Variants in DRICH1 observed in about 807,000 individuals in gnomAD.
DRICH1 encodes aspartate rich 1, also known as aspartate-rich protein 1.
DRICH1 carries 38 observed loss-of-function variants against 39.5 expected under a neutral mutation model. That is an observed-to-expected ratio of 0.96 (90% CI 0.74 to 1.26). The LOEUF (loss-of-function observed/expected upper bound fraction) is 1.26, where lower values mean the gene tolerates loss of function less well. Ranked by LOEUF, DRICH1 falls within the 50% of genes most tolerant of loss-of-function variation. The pLI, the probability that DRICH1 is intolerant of heterozygous loss-of-function variation, is 0.00. For synonymous variants in DRICH1, 84 were observed against 99.5 expected, an observed-to-expected ratio of 0.84 and a Z score of 0.93; for missense variants, 279 against 270.4, an observed-to-expected ratio of 1.03 and a Z score of -0.22.
chr22:23,621,131 A>C (rs1207859864), intron 4 of DRICH1, among the ~76,000 whole-genome samples: 4 of 152,118 alleles, frequency 2.6e-5, no homozygotes, highest in Non-Finnish European at 5.9e-5. Context: ...ATCTGCCTTG[A>C]ACTGGTTTAG....
intron 1 of DRICH1, among the ~76,000 whole-genome samples, chr22:23,628,809 GC>G (rs1030069631): frequency 6.6e-6 from 1 of 152,026 alleles, no homozygotes; most frequent in Non-Finnish European, 1.5e-5. Context: ...TTCCTGCTCT[GC>G]CCCCCCACCA....
chr22:23,601,960 G>A, the DRICH1 span, among the ~76,000 whole-genome samples: 1 of 151,080 alleles, frequency 6.6e-6, no homozygotes, highest in Non-Finnish European at 1.5e-5. Flanking sequence ...CCAGCACTGT[G>A]GGAGGCTGAG....
intron 11 of DRICH1, among the ~76,000 whole-genome samples, chr22:23,610,062 A>G (rs1331872594): frequency 6.6e-6 from 1 of 151,972 alleles, no homozygotes; most frequent in African/African-American, 2.4e-5. Flanking sequence ...GAATCCCTGC[A>G]CAAGCTCTGT....
the DRICH1 span, among the ~76,000 whole-genome samples, chr22:23,601,147 C>T: frequency 3.7e-5 from 3 of 80,144 alleles, no homozygotes; most frequent in African/African-American, 1.1e-4. Context: ...CGCACGCGCG[C>T]ACACACACAC....
chr22:23,617,427 G>A (rs972029018), intron 7 of DRICH1, 148 bp downstream of exon 7: 13 of 905,366 alleles, frequency 1.4e-5, no homozygotes, highest in Non-Finnish European at 2.3e-5. Context: ...GATTGGCAAT[G>A]CCTGCTTGTT....
At chr22:23,585,443 G>A in the DRICH1 span, among the ~76,000 whole-genome samples, 3 of 152,258 alleles carry the variant, frequency 2.0e-5, no homozygotes, top group South Asian at 2.1e-4. Context: ...GCCTAGCAGC[G>A]TATTTCTTAA....
intron 1 of DRICH1, chr22:23,630,550 T>G (rs538522017): frequency 1.3e-5 from 2 of 152,204 alleles, no homozygotes; most frequent in African/African-American, 4.8e-5. Flanking sequence ...TGACATGACT[T>G]GGGAGGCTGA....
Position 23,608,502 on chromosome 22 carries a change from T to C in DRICH1, c.*262A>G. On this transcript the variant is annotated 3_prime_UTR_variant, in exon 12 of 12. Transcript: ENST00000317749. ...AAGTGGGAATGGCACTTTCTGCTCG[T>C]GGAGCACAGTCACGTCTCTTCTCAC... The C allele has an allele frequency of 2.0e-6, 1 of 508,210 alleles. No homozygotes were observed. Among genetic ancestry groups the C allele is most frequent in the Admixed American group, 3.1e-5 (1 of 32,658 alleles). 31.5% of individuals were successfully genotyped at this position (508,210 alleles called of 1,614,324 possible).
At chr22:23,606,778 T>C (rs1277033849), downstream of DRICH1, among the ~76,000 whole-genome samples, 2 of 152,172 alleles carry the variant, frequency 1.3e-5, no homozygotes, top group East Asian at 3.9e-4. Context: ...CCCCCTGAGA[T>C]GCCAGCGACC....
chr22:23,583,068 C>T, the DRICH1 span: 19 of 152,212 alleles, frequency 1.2e-4, no homozygotes, highest in African/African-American at 4.6e-4. Context: ...GAGCTGACTC[C>T]AGCTGGAGAG....
chr22:23,613,476 G>T, intron 10 of DRICH1, 146 bp from the exon 11 acceptor site: 1 of 934,766 alleles, frequency 1.1e-6, no homozygotes. Context: ...CTTCTGGGTC[G>T]ACAAACCTTC....
intron 5 of DRICH1, among the ~76,000 whole-genome samples, chr22:23,620,128 A>G (rs1927631280): frequency 6.6e-6 from 1 of 152,164 alleles, no homozygotes. Context: ...TCTCATCATG[A>G]TGACATTAAA....
the DRICH1 span, among the ~76,000 whole-genome samples, chr22:23,582,263 C>A: frequency 2.6e-5 from 4 of 151,154 alleles, 1 homozygote; most frequent in Admixed American, 1.3e-4. Flanking sequence ...AGGCGTGAGC[C>A]ACCGCAACTG....
In DRICH1 at chr22:23,614,150, ATCTTCT is replaced by A. The variant is rs751854466; in HGVS notation, c.600_605del (p.Glu200_Glu201del). On this transcript the variant is annotated inframe_deletion, in exon 9 of 12. Coordinates refer to ENST00000317749, the MANE Select transcript of DRICH1 (RefSeq NM_016449.4). ...GAGGTCTTACGTGGATGTCATCATC[ATCTTCT>A]TCTTCTTCATCTTTGTGTCTCAGTG... 1 of 1,611,536 alleles carries A rather than the reference ATCTTCT, an allele frequency of 6.2e-7. No homozygotes were observed. Among genetic ancestry groups the A allele is most frequent in the Non-Finnish European group, 8.5e-7 (1 of 1,177,730 alleles).
At chr22:23,583,029 C>T in the DRICH1 span, 1 of 152,206 alleles carries the variant, frequency 6.6e-6, no homozygotes, top group Non-Finnish European at 1.5e-5. Flanking sequence ...ATGGCTGCAA[C>T]CAGCATTTTG....
intron 4 of DRICH1, 49 bp from the exon 5 acceptor site, chr22:23,620,664 GC>G (rs750604162): frequency 1.3e-6 from 2 of 1,598,176 alleles, no homozygotes; most frequent in African/African-American, 2.7e-5. Context: ...CAATTCTGCT[GC>G]ACCCCTTACA....
chr22:23,624,703 C>G (rs1270718719), intron 3 of DRICH1, among the ~76,000 whole-genome samples, 180 bp downstream of exon 3: 1 of 152,214 alleles, frequency 6.6e-6, no homozygotes, highest in African/African-American at 2.4e-5. Flanking sequence ...AAAATCTCCT[C>G]ATTGGTCCTC....
chr22:23,625,845 GCAAGAC>G (rs1928027932), intron 2 of DRICH1, 130 bp downstream of exon 2: 2 of 699,794 alleles, frequency 2.9e-6, no homozygotes. Flanking sequence ...CCCAGATCTT[GCAAGAC>G]CATCATTAAA....
chr22:23,614,251 G>A (rs1569088669), intron 8 of DRICH1, 37 bp from the exon 9 acceptor site: 2 of 1,493,936 alleles, frequency 1.3e-6, no homozygotes, highest in Non-Finnish European at 9.3e-7. Context: ...TGCACCGGTG[G>A]TTGGTGACTC....
Sources: gnomAD v4.1 joint callset for allele counts (sites outside exome capture counted in the v4.1 genomes callset) on GRCh38, gnomAD v4.1.1 for gene constraint, MANE v1.5 for transcripts, NCBI Gene and HGNC (gene_info 2026-07-23, HGNC 2026-07-21) for gene names.